ARHGAP22: variants seen among roughly 807,000 people sequenced by gnomAD.
ARHGAP22 encodes Rho GTPase activating protein 22.
In ARHGAP22, 48 loss-of-function variants were observed where a neutral mutation model predicts 59.1. The observed-to-expected ratio is 0.81, with a 90% CI of 0.64 to 1.03. The LOEUF (loss-of-function observed/expected upper bound fraction) is 1.03. Ranked by LOEUF, ARHGAP22 falls within the 50% of genes least tolerant of loss-of-function variation. The pLI is 0.00. For missense variants in ARHGAP22, 1,015 were observed against 958.7 expected, an observed-to-expected ratio of 1.06 and a Z score of -0.78; for synonymous variants, 445 against 416.4, an observed-to-expected ratio of 1.07 and a Z score of -0.84.
At chr10:48,444,233 A>G (rs2045270557), downstream of ARHGAP22, 1 of 152,216 alleles carries the variant, frequency 6.6e-6, no homozygotes, top group South Asian at 2.1e-4. Flanking sequence ...TGTAATTACA[A>G]TAACAAGTAC....
At chr10:48,493,565 G>A in intron 3 of ARHGAP22, 2 of 1,516,344 alleles carry the variant, frequency 1.3e-6, no homozygotes, top group Non-Finnish European at 1.8e-6. Context: ...AAACCACCAG[G>A]TGCACGAGGC....
intron 3 of ARHGAP22, among the ~76,000 whole-genome samples, chr10:48,512,296 G>T (rs1564796988): frequency 6.6e-6 from 1 of 152,218 alleles, no homozygotes; most frequent in Admixed American, 6.5e-5. Context: ...CAAGAGCGCA[G>T]GCTCTGGTGC....
rs1012099476 is a variant in ARHGAP22 at position 48,554,257 on chromosome 10, CT to C, written c.322+1205del. 2.4e-4 allele frequency among the ~76,000 whole-genome samples: 37 copies of C among 152,364 alleles called. No homozygotes were observed. The South Asian group carries it at 2.7e-3, about 11-fold the overall frequency. ...GGACAGGACAAAGGTAGACATGCCC[CT>C]ATCCCAGGCAGGATCTTCTCATACC... is the stretch of plus-strand genomic sequence containing the variant. On this transcript the variant is annotated intron_variant, in intron 3 of 9. Coordinates refer to ENST00000249601, the MANE Select transcript of ARHGAP22 (RefSeq NM_021226.4).
intron 3 of ARHGAP22, among the ~76,000 whole-genome samples, chr10:48,502,502 G>A (rs565724493): frequency 2.0e-5 from 3 of 152,242 alleles, no homozygotes; most frequent in Non-Finnish European, 2.9e-5. Context: ...CTTGATGAGC[G>A]GAGAGCACCT....
At chr10:48,433,444 C>G in the ARHGAP22 span, among the ~76,000 whole-genome samples, 2 of 152,230 alleles carry the variant, frequency 1.3e-5, no homozygotes, top group South Asian at 2.1e-4. Flanking sequence ...AAGGCTCATT[C>G]CAAGTATTGA....
At chr10:48,538,914 A>G (rs1468151485) in intron 3 of ARHGAP22, among the ~76,000 whole-genome samples, 2 of 152,250 alleles carry the variant, frequency 1.3e-5, no homozygotes, top group Non-Finnish European at 2.9e-5. Flanking sequence ...ATAAAACTAA[A>G]GCTCATGATC....
intron 3 of ARHGAP22, among the ~76,000 whole-genome samples, chr10:48,508,792 G>A (rs2052437536): frequency 1.3e-5 from 2 of 152,234 alleles, no homozygotes; most frequent in Non-Finnish European, 2.9e-5. Flanking sequence ...CATAGCAAAG[G>A]CTCTGACAGG....
At chr10:48,514,551 C>T (rs549818222) in intron 3 of ARHGAP22, among the ~76,000 whole-genome samples, 5 of 152,260 alleles carry the variant, frequency 3.3e-5, no homozygotes, top group African/African-American at 9.6e-5. Context: ...CAAGAATATT[C>T]AGTCCTTCGT....
At chr10:48,432,140 A>G in the ARHGAP22 span, among the ~76,000 whole-genome samples, 1 of 152,192 alleles carries the variant, frequency 6.6e-6, no homozygotes, top group Non-Finnish European at 1.5e-5. Context: ...AAGGAGGTGA[A>G]ATTTGAGCTG....
chr10:48,584,949 G>T (rs2059337661), intron 1 of ARHGAP22, among the ~76,000 whole-genome samples: 2 of 150,692 alleles, frequency 1.3e-5, no homozygotes, highest in Admixed American at 1.3e-4. Context: ...AGCTGAGATT[G>T]CGCCACTGCA....
intron 2 of ARHGAP22, among the ~76,000 whole-genome samples, chr10:48,556,023 T>C (rs980350935): frequency 6.6e-6 from 1 of 152,112 alleles, no homozygotes; most frequent in African/African-American, 2.4e-5. Flanking sequence ...ACCAATGAGA[T>C]AGGAGTCAGT....
rs528068994 is a variant in ARHGAP22 at position 48,526,250 on chromosome 10, G to C, written c.322+29213C>G. ...TGTGGGGGCAGGAAAGAATGACTTA[G>C]AGCAGGGAAGAGGTTTTCCCAGGAG... is the stretch of plus-strand genomic sequence containing the variant. On this transcript the variant is annotated intron_variant, in intron 3 of 9. Transcript: ENST00000249601. 6.9e-4 allele frequency among the ~76,000 whole-genome samples: 105 copies of C among 152,342 alleles called. 1 individual carries two copies. The highest frequency in any genetic ancestry group is 1.3e-3 in the Admixed American group (20 of 15,308).
intron 1 of ARHGAP22, among the ~76,000 whole-genome samples, chr10:48,586,532 T>G (rs907493500): frequency 4.6e-5 from 7 of 152,196 alleles, no homozygotes; most frequent in African/African-American, 1.7e-4. Flanking sequence ...GGGCAGAGAA[T>G]GGACCACTCT....
At chr10:48,598,300 T>C (rs1412422184) in intron 1 of ARHGAP22, among the ~76,000 whole-genome samples, 1 of 152,184 alleles carries the variant, frequency 6.6e-6, no homozygotes, top group Non-Finnish European at 1.5e-5. Context: ...CACCTTCATC[T>C]CCTGGCATGA....
At chr10:48,487,489 A>G (rs2049971535) in intron 3 of ARHGAP22, among the ~76,000 whole-genome samples, 2 of 152,138 alleles carry the variant, frequency 1.3e-5, no homozygotes, top group Admixed American at 1.3e-4. Context: ...GAGGAGTGTA[A>G]GAGAGAGATG....
chr10:48,502,675 CCCAG>C (rs1360636674), intron 3 of ARHGAP22, among the ~76,000 whole-genome samples: 1 of 152,216 alleles, frequency 6.6e-6, no homozygotes, highest in Non-Finnish European at 1.5e-5. Context: ...TTCATCAAGA[CCCAG>C]CTCAAATATC....
chr10:48,580,822 A>C (rs2059066008), intron 2 of ARHGAP22, among the ~76,000 whole-genome samples: 1 of 151,948 alleles, frequency 6.6e-6, no homozygotes, highest in African/African-American at 2.4e-5. Flanking sequence ...TTGAGTATCC[A>C]GTGTGCTAGG....
chr10:48,439,895 A>G, the ARHGAP22 span, among the ~76,000 whole-genome samples: 2 of 152,056 alleles, frequency 1.3e-5, no homozygotes, highest in African/African-American at 4.8e-5. Context: ...CTGAACTCAC[A>G]CTGCCCTCCT....
intron 2 of ARHGAP22, among the ~76,000 whole-genome samples, chr10:48,577,802 T>C (rs1164634624): frequency 0.19 from 2,551 of 13,190 alleles, 91 homozygotes; most frequent in African/African-American, 0.38. Flanking sequence ...TCTTTTTTGG[T>C]TTTTTTTTTT....
Sources: gnomAD v4.1 joint callset for allele counts (sites outside exome capture counted in the v4.1 genomes callset) on GRCh38, gnomAD v4.1.1 for gene constraint, MANE v1.5 for transcripts, NCBI Gene and HGNC (gene_info 2026-07-23, HGNC 2026-07-21) for gene names.